RAB33A: variants seen among roughly 807,000 people sequenced by gnomAD.
RAB33A encodes the protein RAB33A, member RAS oncogene family, also known as ras-related protein Rab-33A.
RAB33A carries 6 observed loss-of-function variants against 12.0 expected under a neutral mutation model. The observed-to-expected ratio is 0.50, with a 90% confidence interval of 0.27 to 0.99. The LOEUF is 0.99. RAB33A is among the 50% of genes least tolerant of loss of function. The pLI, the probability that RAB33A is intolerant of heterozygous loss-of-function variation, is 0.11. For synonymous variants in RAB33A, 70 were observed against 82.4 expected (o/e 0.85, Z 0.81); for missense variants, 109 against 192.0 (o/e 0.57, Z 2.55).
At chrX:130,150,247 T>C in the RAB33A span, among the ~76,000 whole-genome samples, 5 of 110,956 alleles carry the variant, frequency 4.5e-5, no homozygotes, top group Non-Finnish European at 7.6e-5. Flanking sequence ...TCCTTTCAAA[T>C]TGGAAAAGGG....
the RAB33A span, among the ~76,000 whole-genome samples, chrX:130,124,172 G>T: frequency 9.0e-6 from 1 of 111,648 alleles, no homozygotes; most frequent in Non-Finnish European, 1.9e-5. Flanking sequence ...CAGCAGTTAG[G>T]TGACACTGAT....
At chrX:130,123,154 T>C in the RAB33A span, among the ~76,000 whole-genome samples, 1 of 111,324 alleles carries the variant, frequency 9.0e-6, no homozygotes, top group Admixed American at 9.5e-5. Flanking sequence ...ATGCAAACAC[T>C]GAAAGACTGT....
chrX:130,129,264 G>T, the RAB33A span: 1 of 352,217 alleles, frequency 2.8e-6, no homozygotes, highest in Non-Finnish European at 5.0e-6. Context: ...ACATGGCTGA[G>T]AAAAATCCTG....
At chrX:130,148,200 C>T in the RAB33A span, among the ~76,000 whole-genome samples, 1 of 111,814 alleles carries the variant, frequency 8.9e-6, no homozygotes, top group African/African-American at 3.3e-5. Flanking sequence ...GGCTTTTGCC[C>T]TTCCCATCAA....
chrX:130,184,006 C>T (rs1210467340), intron 1 of RAB33A, among the ~76,000 whole-genome samples: 3 of 111,765 alleles, frequency 2.7e-5, no homozygotes, highest in Non-Finnish European at 5.6e-5. Context: ...TCTCTTGCCT[C>T]AGCCTCCCCC....
upstream of RAB33A, among the ~76,000 whole-genome samples, chrX:130,168,832 T>C (rs1024059120): frequency 7.2e-5 from 8 of 110,971 alleles, no homozygotes; most frequent in East Asian, 2.3e-3. Context: ...ATGGTCAGGC[T>C]CTGTGGCTCA....
chrX:130,171,939 G>GACACACACACACGCGCGC (rs2031612149), upstream of RAB33A: 13 of 833,874 alleles, frequency 1.6e-5, no homozygotes, highest in Non-Finnish European at 2.0e-5. Flanking sequence ...CACACGGGCG[G>GACACACACACACGCGCGC]ACACACACAC....
the RAB33A span, among the ~76,000 whole-genome samples, chrX:130,116,506 C>A: frequency 9.0e-6 from 1 of 111,342 alleles, no homozygotes; most frequent in Non-Finnish European, 1.9e-5. Flanking sequence ...GTTGGCCAGG[C>A]TGGTATCGAA....
chrX:130,110,943 G>A, the RAB33A span, among the ~76,000 whole-genome samples: 7 of 89,797 alleles, frequency 7.8e-5, no homozygotes, highest in Non-Finnish European at 1.3e-4. Flanking sequence ...GCGCGAAGGA[G>A]GCAGGGCGGG....
At chrX:130,171,097 C>T, upstream of RAB33A, among the ~76,000 whole-genome samples, 1 of 113,079 alleles carries the variant, frequency 8.8e-6, no homozygotes, top group East Asian at 2.8e-4. Context: ...GCGCCTGGTA[C>T]GCGCCCCCCT....
At chrX:130,160,658 TC>T in the RAB33A span, among the ~76,000 whole-genome samples, 1 of 111,911 alleles carries the variant, frequency 8.9e-6, no homozygotes, top group African/African-American at 3.2e-5. Context: ...GCTCAAGTGA[TC>T]CTTCCACCTT....
chrX:130,137,474 C>T, the RAB33A span: 1 of 1,167,639 alleles, frequency 8.6e-7, no homozygotes, highest in Non-Finnish European at 1.1e-6. Flanking sequence ...AAGTGCTTTG[C>T]AACCTCTGAA....
chrX:130,176,009 G>C (rs1290737034), intron 1 of RAB33A, among the ~76,000 whole-genome samples: 2 of 111,110 alleles, frequency 1.8e-5, no homozygotes, highest in Non-Finnish European at 3.8e-5. Context: ...ACATCATGCT[G>C]CCTGGCACAA....
the RAB33A span, among the ~76,000 whole-genome samples, chrX:130,146,996 C>A: frequency 9.0e-6 from 1 of 110,951 alleles, no homozygotes; most frequent in Admixed American, 9.6e-5. Context: ...CCCATCTCTA[C>A]TATAAAATAC....
intron 1 of RAB33A, among the ~76,000 whole-genome samples, chrX:130,177,899 T>G (rs781626983): frequency 8.9e-6 from 1 of 112,035 alleles, no homozygotes; most frequent in East Asian, 2.8e-4. Flanking sequence ...ATGGATATGG[T>G]GCCCACAGGA....
the RAB33A span, among the ~76,000 whole-genome samples, chrX:130,116,984 T>C: frequency 2.7e-5 from 3 of 111,850 alleles, no homozygotes; most frequent in South Asian, 3.7e-4. Context: ...GAGGCCAAGG[T>C]GGGCGGATCA....
chrX:130,122,891 A>G, the RAB33A span, among the ~76,000 whole-genome samples: 2 of 112,210 alleles, frequency 1.8e-5, no homozygotes, highest in Admixed American at 9.4e-5. Context: ...TGGAGAGGAA[A>G]TAAGACAATG....
At chrX:130,127,297 C>T in the RAB33A span, among the ~76,000 whole-genome samples, 1 of 111,245 alleles carries the variant, frequency 9.0e-6, no homozygotes, top group Non-Finnish European at 1.9e-5. Context: ...CTTTTTGTGT[C>T]CTTCTGTGGA....
At chrX:130,167,451 G>A (rs2031551190), upstream of RAB33A, among the ~76,000 whole-genome samples, 2 of 113,124 alleles carry the variant, frequency 1.8e-5, no homozygotes, top group Admixed American at 1.9e-4. Context: ...ATACTAAGAA[G>A]TATTGATGTG....
Sources: gnomAD v4.1 joint callset for allele counts (sites outside exome capture counted in the v4.1 genomes callset) on GRCh38, gnomAD v4.1.1 for gene constraint, MANE v1.5 for transcripts, NCBI Gene and HGNC (gene_info 2026-07-23, HGNC 2026-07-21) for gene names.